The following MINDY4B variants were observed in gnomAD, a reference collection of about 807,000 sequenced individuals.
MINDY4B encodes inactive ubiquitin carboxyl-terminal hydrolase MINDY-4B.
Under a neutral mutation model 16.7 loss-of-function variants are expected in MINDY4B, and 25 were observed. The observed-to-expected ratio is 1.49, with a 90% confidence interval of 1.09 to 2.09. The LOEUF (loss-of-function observed/expected upper bound fraction) is 2.09, where lower values mean the gene tolerates loss of function less well. MINDY4B is among the 30% of genes most tolerant of loss of function. MINDY4B has a pLI of 0.00. For missense variants in MINDY4B, 327 were observed against 168.4 expected (o/e 1.94, Z -5.21); for synonymous variants, 132 against 61.9 (o/e 2.13, Z -5.32).
intron 10 of MINDY4B, among the ~76,000 whole-genome samples, chr3:150,877,492 T>C (rs16862934): frequency 0.053 from 8,095 of 152,246 alleles, 711 homozygotes; most frequent in African/African-American, 0.18. Context: ...TGTTCTGCAC[T>C]GTGTTTCAGT....
chr3:150,894,145 A>G, intron 4 of MINDY4B, 41 bp downstream of exon 4: 1 of 659,406 alleles, frequency 1.5e-6, no homozygotes, highest in Non-Finnish European at 2.7e-6. Flanking sequence ...GATAAGGAAC[A>G]TGGGAATAAG....
intron 10 of MINDY4B, among the ~76,000 whole-genome samples, chr3:150,881,873 T>C (rs753638387): frequency 1.3e-5 from 2 of 152,154 alleles, no homozygotes; most frequent in African/African-American, 2.4e-5. Flanking sequence ...GCATCAGACA[T>C]ATGTATGTGT....
chr3:150,877,664 G>A (rs149916097), intron 10 of MINDY4B, among the ~76,000 whole-genome samples: 1 of 152,234 alleles, frequency 6.6e-6, no homozygotes. Flanking sequence ...TAAAGTGGAG[G>A]CAGTTCACCA....
At chr3:150,880,933 AGT>A (rs1469671871) in intron 10 of MINDY4B, among the ~76,000 whole-genome samples, 1 of 152,218 alleles carries the variant, frequency 6.6e-6, no homozygotes, top group Non-Finnish European at 1.5e-5. Flanking sequence ...TTTCTGGCTT[AGT>A]TTTACTCTTC....
chr3:150,894,349 C>T (rs1010900634), intron 3 of MINDY4B, 44 bp from the exon 4 acceptor site: 11 of 660,654 alleles, frequency 1.7e-5, no homozygotes, highest in Non-Finnish European at 2.2e-5. Flanking sequence ...GAGAATTCTT[C>T]CTAGACATAT....
In MINDY4B at chr3:150,870,760, A is replaced by G. The variant is rs1005053203; in HGVS notation, c.*285T>C. Among the ~76,000 whole-genome samples, 2 of 152,212 alleles carry G rather than the reference A, an allele frequency of 1.3e-5. No homozygotes were observed. The highest frequency in any genetic ancestry group is 4.1e-4 in the South Asian group (2 of 4,830). ...AACTTTGGAAAAACATGCAAGAGAG[A>G]GGCTTCATTTTCTCTTTTGAATAAA... On this transcript the variant is annotated 3_prime_UTR_variant, in exon 12 of 12. Coordinates refer to ENST00000465419, the MANE Select transcript of MINDY4B (RefSeq NM_001351281.2).
At chr3:150,893,193 A>C (rs1278356106) in intron 5 of MINDY4B, 131 bp downstream of exon 5, 2 of 644,084 alleles carry the variant, frequency 3.1e-6, no homozygotes, top group Non-Finnish European at 5.6e-6. Flanking sequence ...TCTCTGGGAC[A>C]GACAGGGCCA....
rs141396243 is a variant in MINDY4B at position 150,891,497 on chromosome 3, C to T, written c.522-394G>A. Among the ~76,000 whole-genome samples the T allele has an allele frequency of 5.1e-3, 751 of 146,288 alleles. 5 individuals are homozygous for T. The highest frequency in any genetic ancestry group is 0.018 in the African/African-American group (729 of 40,910). On this transcript the variant is annotated intron_variant, in intron 5 of 11. Coordinates refer to ENST00000465419, the MANE Select transcript of MINDY4B (RefSeq NM_001351281.2). ...TAACAAAAGGTCAGGCACCGTGGCTCATGCCTGTAATCCCAGTACTTTAGG... is the reference window on the plus strand; with the variant it reads ...TAACAAAAGGTCAGGCACCGTGGCTTATGCCTGTAATCCCAGTACTTTAGG...
chr3:150,887,941 T>C (rs1341699479), intron 7 of MINDY4B, among the ~76,000 whole-genome samples: 1 of 151,966 alleles, frequency 6.6e-6, no homozygotes, highest in East Asian at 1.9e-4. Context: ...ACCCCGTCTC[T>C]ACTAAAAATA....
chr3:150,883,236 CT>C (rs1406628869), intron 9 of MINDY4B, among the ~76,000 whole-genome samples, 178 bp from the exon 10 acceptor site: 3 of 152,092 alleles, frequency 2.0e-5, no homozygotes, highest in African/African-American at 7.2e-5. Context: ...CATTTATTAG[CT>C]TTTTTTCTTA....
At chr3:150,903,860 C>G (rs528786458) in intron 2 of MINDY4B, among the ~76,000 whole-genome samples, 1 of 152,190 alleles carries the variant, frequency 6.6e-6, no homozygotes, top group South Asian at 2.1e-4. Flanking sequence ...TTCCTACTCC[C>G]CAACAAGTGA....
At chr3:150,879,731 C>T (rs1195587451) in intron 10 of MINDY4B, among the ~76,000 whole-genome samples, 1 of 152,182 alleles carries the variant, frequency 6.6e-6, no homozygotes, top group Non-Finnish European at 1.5e-5. Flanking sequence ...TTTGACTACA[C>T]ATGCTTATAA....
chr3:150,895,438 T>C (rs62282714), intron 3 of MINDY4B, among the ~76,000 whole-genome samples: 19,218 of 152,152 alleles, frequency 0.13, 1,608 homozygotes, highest in Non-Finnish European at 0.18. Context: ...CATAGGTTAC[T>C]TGGTGCTTTG....
At position 150,883,056 on chromosome 3, in the gene MINDY4B, T is replaced by C; in HGVS notation, c.900A>G (p.Ala300=). 1 of 695,470 alleles carries C rather than the reference T, an allele frequency of 1.4e-6. No homozygotes were observed. Among genetic ancestry groups the C allele is most frequent in the South Asian group, 1.5e-5 (1 of 66,496 alleles). The allele number at this position is 695,470 out of a possible 1,614,324, so 43.1% of individuals were successfully genotyped here. Residue 300 remains alanine, a splice_region_variant and synonymous_variant, in exon 10 of 12, where the codon GCA becomes GCG. Coordinates refer to ENST00000465419, the MANE Select transcript of MINDY4B (RefSeq NM_001351281.2). ...TTCCAGTTAAAATCATGTTCAGAAC[T>C]GCCTAGAGAGCATATTTTACAGATA... is the stretch of plus-strand genomic sequence containing the variant. The part of the protein sequence containing the change: ...PNAGGFLCRQ[A]VLNMILTGRA...
chr3:150,878,664 G>A (rs1342459741), intron 10 of MINDY4B, among the ~76,000 whole-genome samples: 1 of 152,180 alleles, frequency 6.6e-6, no homozygotes, highest in Non-Finnish European at 1.5e-5. Context: ...AGCTAGCCTG[G>A]GCAGTTTCCA....
chr3:150,905,245 A>G, intron 1 of MINDY4B, 82 bp downstream of exon 1: 1 of 398,256 alleles, frequency 2.5e-6, no homozygotes, highest in Non-Finnish European at 4.4e-6. Flanking sequence ...GAAATTTCTC[A>G]TGTTGCAAGC....
At chr3:150,902,243 G>T (rs1712134018) in intron 3 of MINDY4B, among the ~76,000 whole-genome samples, 1 of 152,088 alleles carries the variant, frequency 6.6e-6, no homozygotes, top group African/African-American at 2.4e-5. Context: ...CTGGTCCTGG[G>T]TTGTTTCTAC....
chr3:150,873,483 G>T, intron 10 of MINDY4B, 116 bp from the exon 11 acceptor site: 1 of 619,788 alleles, frequency 1.6e-6, no homozygotes, highest in Admixed American at 2.6e-5. Flanking sequence ...CACTTGTCGC[G>T]TGCAGGGCAC....
Position 150,890,931 on chromosome 3 carries a change from C to T in MINDY4B, c.687+7G>A. The T allele has an allele frequency of 2.8e-6, 2 of 702,336 alleles. No homozygotes were observed. Among genetic ancestry groups the T allele is most frequent in the Non-Finnish European group, 5.2e-6 (2 of 384,462 alleles). The allele number at this position is 702,336 out of a possible 1,614,324, so 43.5% of individuals were successfully genotyped here. ...TCATCTGCCAGGACAGGGAGAACTGCACTTACTCGCTCAGTGAAATTGTCC... is the reference window on the plus strand; with the variant it reads ...TCATCTGCCAGGACAGGGAGAACTGTACTTACTCGCTCAGTGAAATTGTCC... On this transcript the variant is annotated splice_region_variant and intron_variant, in intron 6 of 11. Coordinates refer to ENST00000465419, the MANE Select transcript of MINDY4B (RefSeq NM_001351281.2).
Sources: gnomAD v4.1 joint callset for allele counts (sites outside exome capture counted in the v4.1 genomes callset) on GRCh38, gnomAD v4.1.1 for gene constraint, MANE v1.5 for transcripts, NCBI Gene and HGNC (gene_info 2026-07-23, HGNC 2026-07-21) for gene names.